GOLIM4: variants seen among roughly 807,000 people sequenced by gnomAD.
GOLIM4 encodes golgi integral membrane protein 4, also known as 130 kDa golgi-localized phosphoprotein.
In GOLIM4, 71 loss-of-function variants were observed where a neutral mutation model predicts 107.4. That is an observed-to-expected ratio of 0.66 (90% CI 0.55 to 0.81). GOLIM4 has a LOEUF of 0.81. GOLIM4 is among the 30% of genes least tolerant of loss of function. GOLIM4 has a pLI of 0.00. For synonymous variants in GOLIM4, 327 were observed against 294.8 expected (o/e 1.11, Z -1.12); for missense variants, 830 against 826.1 (o/e 1.00, Z -0.06).
chr3:168,019,377 T>C (rs945240267), intron 14 of GOLIM4, among the ~76,000 whole-genome samples: 2 of 152,200 alleles, frequency 1.3e-5, no homozygotes, highest in Non-Finnish European at 2.9e-5. Flanking sequence ...TCACAGTATA[T>C]ATATCTAAAA....
intron 1 of GOLIM4, among the ~76,000 whole-genome samples, chr3:168,070,005 A>G (rs1044886899): frequency 5.9e-5 from 9 of 152,208 alleles, no homozygotes; most frequent in African/African-American, 2.2e-4. Flanking sequence ...ACTTACCATT[A>G]CACACATAAC....
intron 1 of GOLIM4, among the ~76,000 whole-genome samples, chr3:168,060,193 G>C (rs1720185942): frequency 6.6e-6 from 1 of 151,954 alleles, no homozygotes; most frequent in African/African-American, 2.4e-5. Context: ...CAAGTAGGTG[G>C]GACTACAGGT....
intron 1 of GOLIM4, among the ~76,000 whole-genome samples, chr3:168,050,856 AT>A (rs1719596434): frequency 7.9e-6 from 1 of 126,858 alleles, no homozygotes; most frequent in African/African-American, 2.7e-5. Context: ...AATAATAATA[AT>A]AATAATAATA....
intron 1 of GOLIM4, among the ~76,000 whole-genome samples, chr3:168,078,182 T>G (rs148263574): frequency 3.3e-4 from 51 of 152,272 alleles, no homozygotes; most frequent in Non-Finnish European, 6.9e-4. Flanking sequence ...TGAATAGACC[T>G]TTCCTTTTTA....
rs34684158 is a variant in GOLIM4 at position 168,091,197 on chromosome 3, T to C, written c.187+3902A>G. ...CTTTTTTTAAAATTTTAAATAGTTG[T>C]AACATATTCATCTGGAATAGGAACA... On this transcript the variant is annotated intron_variant, in intron 1 of 15. Transcript: ENST00000470487. 1.6e-3 allele frequency among the ~76,000 whole-genome samples: 251 copies of C among 152,366 alleles called. 6 individuals carry two copies. The East Asian group carries it at 0.018, about 11-fold the overall frequency.
intron 14 of GOLIM4, among the ~76,000 whole-genome samples, chr3:168,012,395 G>T (rs945857971): frequency 1.4e-5 from 2 of 146,952 alleles, no homozygotes; most frequent in Non-Finnish European, 2.9e-5. Context: ...TATGTGAAAA[G>T]ACCAAATCTA....
Position 168,044,709 on chromosome 3 carries a change from A to G in GOLIM4, c.366+119T>C, listed in dbSNP as rs545451772. 377 of 634,210 alleles carry G rather than the reference A, an allele frequency of 5.9e-4. 2 individuals carry two copies. In the African/African-American group the frequency reaches 6.3e-3, roughly 11 times the overall value. 39.3% of individuals were successfully genotyped at this position (634,210 alleles called of 1,614,324 possible). ...TAGCCAAATAAGATTTTAAAATGCC[A>G]TATTACAATACAAATCAACTTCTGT... On this transcript the variant is annotated intron_variant, in intron 4 of 15. Transcript: ENST00000470487.
Position 168,010,553 on chromosome 3 carries a change from G to A in GOLIM4, c.1942-135C>T. 4.0e-6 allele frequency: 3 copies of A among 754,054 alleles called. 1 individual carries two copies. The highest frequency in any genetic ancestry group is 6.5e-6 in the Non-Finnish European group (3 of 463,834). 46.7% of individuals were successfully genotyped at this position (754,054 alleles called of 1,614,324 possible). A position where few individuals can be genotyped will look rare whatever the true frequency, so the allele number is the denominator to read the frequency against. Reference sequence around the variant, plus strand: ...GAAGAAAAATGATATGTAAGCAACAGTGCTGCTGTCTCTCCTACTTTTCAT... The same window carrying A: ...GAAGAAAAATGATATGTAAGCAACAATGCTGCTGTCTCTCCTACTTTTCAT... On this transcript the variant is annotated intron_variant, in intron 15 of 15. Transcript: ENST00000470487.
At chr3:168,087,972 A>G (rs1387930610) in intron 1 of GOLIM4, among the ~76,000 whole-genome samples, 1 of 152,212 alleles carries the variant, frequency 6.6e-6, no homozygotes, top group Non-Finnish European at 1.5e-5. Context: ...AACACTGGCT[A>G]AAAAGAAAAT....
intron 1 of GOLIM4, among the ~76,000 whole-genome samples, chr3:168,053,380 T>G (rs1719760694): frequency 6.6e-6 from 1 of 152,206 alleles, no homozygotes; most frequent in African/African-American, 2.4e-5. Flanking sequence ...GTCCCGACTA[T>G]AACATAATGT....
intron 1 of GOLIM4, among the ~76,000 whole-genome samples, chr3:168,088,524 T>C (rs553221323): frequency 6.6e-6 from 1 of 152,310 alleles, no homozygotes; most frequent in Admixed American, 6.5e-5. Flanking sequence ...AGAGAGGTTA[T>C]TTGCCTGCTC....
chr3:168,068,229 A>C (rs1004404239), intron 1 of GOLIM4, among the ~76,000 whole-genome samples: 1 of 152,168 alleles, frequency 6.6e-6, no homozygotes, highest in Non-Finnish European at 1.5e-5. Flanking sequence ...AATCTATGTA[A>C]GATAAAACAA....
intron 14 of GOLIM4, among the ~76,000 whole-genome samples, chr3:168,019,151 C>G (rs927076890): frequency 2.6e-5 from 4 of 152,190 alleles, no homozygotes; most frequent in Admixed American, 2.6e-4. Context: ...GGCTCTGCAA[C>G]TTTTCTGACT....
At chr3:168,026,195 G>C (rs1246087497) in intron 12 of GOLIM4, among the ~76,000 whole-genome samples, 1 of 152,012 alleles carries the variant, frequency 6.6e-6, no homozygotes, top group Non-Finnish European at 1.5e-5. Context: ...ACTATTCTTG[G>C]GAACGTAGAG....
chr3:168,055,166 A>G (rs537029379), intron 1 of GOLIM4, among the ~76,000 whole-genome samples: 1 of 152,294 alleles, frequency 6.6e-6, no homozygotes, highest in Non-Finnish European at 1.5e-5. Flanking sequence ...CCAAAAATGT[A>G]GAAATGACTT....
chr3:168,064,156 A>G (rs1237392919), intron 1 of GOLIM4, among the ~76,000 whole-genome samples: 1 of 152,192 alleles, frequency 6.6e-6, no homozygotes, highest in Non-Finnish European at 1.5e-5. Flanking sequence ...TAAATATCCT[A>G]TGGGATATTC....
At chr3:168,092,471 ATAATC>A (rs1721964302) in intron 1 of GOLIM4, among the ~76,000 whole-genome samples, 1 of 152,236 alleles carries the variant, frequency 6.6e-6, no homozygotes, top group South Asian at 2.1e-4. Context: ...TCTATGGAGT[ATAATC>A]TATTCTTAAA....
At chr3:168,027,115 T>C (rs531732961) in intron 12 of GOLIM4, among the ~76,000 whole-genome samples, 5 of 151,650 alleles carry the variant, frequency 3.3e-5, no homozygotes, top group African/African-American at 1.2e-4. Context: ...ACTAGAGGTC[T>C]CAGTCTTTTT....
intron 1 of GOLIM4, among the ~76,000 whole-genome samples, chr3:168,061,725 G>A (rs1489234906): frequency 6.6e-6 from 1 of 152,180 alleles, no homozygotes; most frequent in East Asian, 1.9e-4. Context: ...TTTATAAAAA[G>A]TTCAAAAACA....
Sources: gnomAD v4.1 joint callset for allele counts (sites outside exome capture counted in the v4.1 genomes callset) on GRCh38, gnomAD v4.1.1 for gene constraint, MANE v1.5 for transcripts, NCBI Gene and HGNC (gene_info 2026-07-23, HGNC 2026-07-21) for gene names.